Variants in NPHP4 observed in about 807,000 individuals in gnomAD.
NPHP4 encodes the protein nephrocystin 4.
In NPHP4, 151 loss-of-function variants were observed where a neutral mutation model predicts 155.8. The ratio of observed to expected loss-of-function variants is 0.97; its 90% CI spans 0.85 to 1.11. The LOEUF (loss-of-function observed/expected upper bound fraction) is 1.11, where lower values mean the gene tolerates loss of function less well. NPHP4 is among the 50% of genes least tolerant of loss of function. The pLI is 0.00. For missense variants in NPHP4, 1,956 were observed against 1,925.7 expected (o/e 1.02, Z -0.29); for synonymous variants, 845 against 816.8 (o/e 1.03, Z -0.59).
chr1:5,892,996 G>C lies in NPHP4; in HGVS notation c.2144-1968C>G, dbSNP rs1043034221. Among the ~76,000 whole-genome samples, 3 of 152,192 alleles carry C rather than the reference G, an allele frequency of 2.0e-5. No homozygotes were observed. Among genetic ancestry groups the C allele is most frequent in the Non-Finnish European group, 2.9e-5 (2 of 68,038 alleles). On this transcript the variant is annotated intron_variant, in intron 16 of 29. Coordinates refer to ENST00000378156, the MANE Select transcript of NPHP4 (RefSeq NM_015102.5). This position sits in a 1 kb window ranked among gnomAD's most constrained non-coding sequence, Gnocchi z 4.5. Reference sequence around the variant, plus strand: ...CACTCTCCATTCAAAGGCAGATCCAGGCAACGATGAATGAGTGACAATCTA... The same window carrying C: ...CACTCTCCATTCAAAGGCAGATCCACGCAACGATGAATGAGTGACAATCTA...
At chr1:5,924,893 T>G (rs554885365) in intron 11 of NPHP4, among the ~76,000 whole-genome samples, 6 of 152,272 alleles carry the variant, frequency 3.9e-5, no homozygotes, top group African/African-American at 1.2e-4. Context: ...TGAGCTCAAG[T>G]GATCCTCCTG....
chr1:5,984,479 G>T (rs1655168680), intron 2 of NPHP4, among the ~76,000 whole-genome samples: 3 of 152,036 alleles, frequency 2.0e-5, no homozygotes, highest in African/African-American at 7.3e-5. Context: ...GGTTTACAGT[G>T]AGCTGAGATC....
At chr1:5,888,484 G>A (rs1643935474) in intron 17 of NPHP4, 1 of 1,249,590 alleles carries the variant, frequency 8.0e-7, no homozygotes, top group Non-Finnish European at 1.0e-6. Flanking sequence ...GTGGGTCTGG[G>A]GGCTTCCGGT....
At chr1:5,972,363 G>A (rs111646136) in intron 3 of NPHP4, among the ~76,000 whole-genome samples, 14 of 484 alleles carry the variant, frequency 0.029, no homozygotes, top group Non-Finnish European at 0.031. Context: ...GGGGAGCCCA[G>A]ATTTCCACAG....
At chr1:5,870,582 A>C (rs1381424040) in intron 23 of NPHP4, among the ~76,000 whole-genome samples, 1 of 152,192 alleles carries the variant, frequency 6.6e-6, no homozygotes, top group Non-Finnish European at 1.5e-5. Context: ...AGTATCTCCC[A>C]ACAAGATACT....
intron 2 of NPHP4, 80 bp from the exon 3 acceptor site, chr1:5,978,493 T>C (rs533215885): frequency 4.4e-6 from 6 of 1,356,498 alleles, no homozygotes; most frequent in African/African-American, 2.9e-5. Flanking sequence ...TGTGGGTGCA[T>C]ATGGGGCCAC....
intron 7 of NPHP4, 129 bp downstream of exon 7, chr1:5,952,571 C>A: frequency 1.1e-5 from 1 of 95,032 alleles, no homozygotes; most frequent in Middle Eastern, 5.0e-3. Flanking sequence ...CCCACCCACC[C>A]CTACCCTGCC....
Position 5,909,176 on chromosome 1 carries a change from C to A in NPHP4, c.1479G>T (p.Pro493=), listed in dbSNP as rs201499649. 1.2e-6 allele frequency: 2 copies of A among 1,602,304 alleles called. No homozygotes were observed. The highest frequency in any genetic ancestry group is 1.7e-5 in the Admixed American group (1 of 58,378). ...PAPVPRVLAA[P]QNSPVGPGLS... ...CCCCTGGTCCCACAGGTGAGTTCTGCGGGGCAGCGAGAACTCGAGGTACTG... is the reference window on the plus strand; with the variant it reads ...CCCCTGGTCCCACAGGTGAGTTCTGAGGGGCAGCGAGAACTCGAGGTACTG... Residue 493 remains proline (P), a synonymous_variant, in exon 12 of 30, where the codon CCG becomes CCT. Transcript: ENST00000378156.
chr1:5,898,328 G>A (rs1488139825), intron 16 of NPHP4, among the ~76,000 whole-genome samples: 2 of 152,216 alleles, frequency 1.3e-5, no homozygotes, highest in East Asian at 1.9e-4. Context: ...CCACGCCCTC[G>A]GCAGAGCCCC....
rs1641329900 is a variant in NPHP4, at chr1:5,867,197, G to A, written c.3473-82C>T. On this transcript the variant is annotated intron_variant, in intron 24 of 29. Transcript: ENST00000378156. This position sits in a 1 kb window ranked among gnomAD's most constrained non-coding sequence, Gnocchi z 4.1. ...AAGGCCCCACACATTACACACTATA[G>A]GACAGGACAGGCTCGTCACAGGTGC... 17 of 1,051,322 alleles carry A rather than the reference G, an allele frequency of 1.6e-5. No homozygotes were observed. Among genetic ancestry groups the A allele is most frequent in the South Asian group, 1.4e-4 (10 of 70,944 alleles). 65.1% of individuals were successfully genotyped at this position (1,051,322 alleles called of 1,614,324 possible). A position where few individuals can be genotyped will look rare whatever the true frequency, so the allele number is the denominator to read the frequency against.
intron 16 of NPHP4, among the ~76,000 whole-genome samples, chr1:5,897,702 T>C (rs1481076018): frequency 6.6e-6 from 1 of 151,980 alleles, no homozygotes; most frequent in Non-Finnish European, 1.5e-5. Flanking sequence ...ACAAATACAA[T>C]ACAGGAAACC....
chr1:5,976,546 G>A (rs969743755), intron 3 of NPHP4, among the ~76,000 whole-genome samples: 11 of 152,310 alleles, frequency 7.2e-5, no homozygotes, highest in Admixed American at 2.0e-4. Context: ...CCCCCTGCCC[G>A]CGCTGAAACA....
At chr1:5,941,631 G>A (rs1442073557) in intron 9 of NPHP4, among the ~76,000 whole-genome samples, 1 of 152,176 alleles carries the variant, frequency 6.6e-6, no homozygotes, top group African/African-American at 2.4e-5. Context: ...TAGAGATGAA[G>A]ATGAGCCTGA....
At position 5,986,031 on chromosome 1, in the gene NPHP4, C is replaced by T; in HGVS notation, c.135+124G>A. The T allele has an allele frequency of 4.0e-6, 4 of 1,011,012 alleles. No homozygotes were observed. The South Asian group carries it at 4.2e-5, about 11-fold the overall frequency. 62.6% of individuals were successfully genotyped at this position (1,011,012 alleles called of 1,614,324 possible). ...GAAAAACAGAATGGCTATATGGGTACCACCATAAAGTAGCAAAATCAAAAA... is the reference window on the plus strand; with the variant it reads ...GAAAAACAGAATGGCTATATGGGTATCACCATAAAGTAGCAAAATCAAAAA... On this transcript the variant is annotated intron_variant, in intron 2 of 29. Transcript: ENST00000378156.
intron 23 of NPHP4, among the ~76,000 whole-genome samples, chr1:5,871,427 C>T (rs1557606134): frequency 1.3e-5 from 2 of 152,288 alleles, no homozygotes; most frequent in African/African-American, 4.8e-5. Context: ...TAGGACGCAG[C>T]TCATTTATTT....
At chr1:5,864,167 G>C (rs980850175) in intron 28 of NPHP4, 134 bp from the exon 29 acceptor site, 40 of 1,178,208 alleles carry the variant, frequency 3.4e-5, no homozygotes, top group Non-Finnish European at 4.4e-5. Context: ...ACGCTCTCTG[G>C]AGCTTCCATC....
Position 5,969,220 on chromosome 1 carries a change from C to T in NPHP4, c.319G>A (p.Val107Met), listed in dbSNP as rs377738968. 3.0e-5 allele frequency: 48 copies of T among 1,583,968 alleles called. No homozygotes were observed. The highest frequency in any genetic ancestry group is 4.0e-5 in the Non-Finnish European group (47 of 1,162,236). ...TCAGCGACCACTTCCACCACAGCCA[C>T]GATATGAGGGTGGTTTAGGGATGTG... ...FHTSLNHPHIVAVVEVVAEGK... is the reference protein window; with the variant it reads ...FHTSLNHPHIMAVVEVVAEGK... The change falls in exon 4 of 30, where the codon GTG becomes ATG. Residue 107 changes from valine (V) to methionine (M), a missense_variant. Val to Met is a conservative substitution (Grantham distance 21, BLOSUM62 1). Coordinates refer to ENST00000378156, the MANE Select transcript of NPHP4 (RefSeq NM_015102.5).
intron 6 of NPHP4, among the ~76,000 whole-genome samples, chr1:5,957,009 T>C (rs1649368526): frequency 6.6e-6 from 1 of 152,094 alleles, no homozygotes; most frequent in South Asian, 2.1e-4. Context: ...CTACCTGAAA[T>C]CATTCACTCT....
At chr1:5,958,397 AC>A (rs1056520932) in intron 6 of NPHP4, among the ~76,000 whole-genome samples, 70 of 152,232 alleles carry the variant, frequency 4.6e-4, no homozygotes, top group African/African-American at 1.5e-3. Context: ...TACAAAACAT[AC>A]AAAAATTAGC....
Sources: allele counts gnomAD v4.1 joint callset (sites outside exome capture counted in the v4.1 genomes callset), GRCh38; gene constraint gnomAD v4.1.1; non-coding constraint Gnocchi (gnomAD v3.1); transcripts MANE v1.5; gene names NCBI Gene and HGNC (gene_info 2026-07-23, HGNC 2026-07-21).